Variants in DST observed in about 807,000 individuals in gnomAD.
DST encodes dystonin.
In DST, 253 loss-of-function variants were observed where a neutral mutation model predicts 875.2. The observed-to-expected ratio is 0.29, with a 90% CI of 0.26 to 0.32. DST has a LOEUF of 0.32. DST is among the 10% of genes least tolerant of loss of function. The probability of loss-of-function intolerance (pLI) is 1.00; values close to 1 mark genes in which losing one functional copy is unlikely to be tolerated. For missense variants in DST, 8,287 were observed against 9,111.6 expected (o/e 0.91, Z 3.68); for synonymous variants, 3,124 against 3,197.1 (o/e 0.98, Z 0.77).
chr6:56,708,029 C>T (rs2099348184), intron 5 of DST, among the ~76,000 whole-genome samples: 1 of 152,018 alleles, frequency 6.6e-6, no homozygotes, highest in Non-Finnish European at 1.5e-5. Flanking sequence ...GTTAGCTGGG[C>T]ATGGTGGCAG....
At chr6:56,846,686 G>C (rs1025908182) in intron 4 of DST, among the ~76,000 whole-genome samples, 1 of 152,100 alleles carries the variant, frequency 6.6e-6, no homozygotes, top group Non-Finnish European at 1.5e-5. Context: ...AACCACAACA[G>C]ATACAAAAGC....
At chr6:56,492,105 G>A (rs1457042626) in intron 85 of DST, 122 bp downstream of exon 85, 7 of 901,706 alleles carry the variant, frequency 7.8e-6, no homozygotes, top group Non-Finnish European at 1.2e-5. Context: ...AACCACCATG[G>A]CACCATGCCA....
chr6:56,624,694 T>C (rs1022027142), intron 35 of DST, 66 bp from the exon 36 acceptor site: 3 of 1,072,400 alleles, frequency 2.8e-6, no homozygotes, highest in Non-Finnish European at 4.3e-6. Flanking sequence ...TGAATGAATT[T>C]TGAATAATAA....
intron 3 of DST, among the ~76,000 whole-genome samples, chr6:56,874,283 G>A (rs1055866307): frequency 2.0e-5 from 3 of 152,076 alleles, no homozygotes; most frequent in African/African-American, 7.2e-5. Context: ...AGGCTGCAGA[G>A]AGCTATGAGT....
At chr6:56,799,956 T>C (rs1343914379) in intron 4 of DST, among the ~76,000 whole-genome samples, 2 of 152,186 alleles carry the variant, frequency 1.3e-5, no homozygotes, top group African/African-American at 4.8e-5. Context: ...GGTGTATACA[T>C]TATTCTTTTA....
At chr6:56,832,533 T>C (rs1222346429) in intron 4 of DST, among the ~76,000 whole-genome samples, 1 of 151,984 alleles carries the variant, frequency 6.6e-6, no homozygotes, top group East Asian at 1.9e-4. Context: ...CCAACCTCTT[T>C]ATTTTGTAAA....
At chr6:56,556,415 C>A (rs1346450596) in intron 59 of DST, among the ~76,000 whole-genome samples, 1 of 152,070 alleles carries the variant, frequency 6.6e-6, no homozygotes, top group Non-Finnish European at 1.5e-5. Flanking sequence ...ATCCAAAAAT[C>A]TCATTCTTTT....
At chr6:56,633,906 T>C (rs1328685294) in intron 27 of DST, among the ~76,000 whole-genome samples, 1 of 152,174 alleles carries the variant, frequency 6.6e-6, no homozygotes, top group East Asian at 1.9e-4. Flanking sequence ...TGCCTCCCTA[T>C]CTCACAGTAA....
At chr6:56,940,587 T>C (rs2127785258) in intron 2 of DST, among the ~76,000 whole-genome samples, 1 of 152,092 alleles carries the variant, frequency 6.6e-6, no homozygotes, top group African/African-American at 2.4e-5. Flanking sequence ...TTTCTTTTTA[T>C]TTACTTTATT....
At chr6:56,566,888 T>C (rs116439347) in intron 55 of DST, among the ~76,000 whole-genome samples, 7 of 152,038 alleles carry the variant, frequency 4.6e-5, no homozygotes, top group Admixed American at 2.6e-4. Context: ...AAAAAGAAAA[T>C]AAATCGATTA....
chr6:56,865,046 G>A (rs1452646991), intron 3 of DST, among the ~76,000 whole-genome samples: 2 of 152,122 alleles, frequency 1.3e-5, no homozygotes, highest in Non-Finnish European at 2.9e-5. Flanking sequence ...TTGATAAAAC[G>A]AAAAGGGAAC....
rs1276464935 is a variant in DST at position 56,570,046 on chromosome 6, A to G, written c.13722-34T>C. 2.1e-6 allele frequency: 3 copies of G among 1,442,616 alleles called. No individual in the cohort carries two copies. In the East Asian group the frequency reaches 6.9e-5, roughly 33 times the overall value. 89.4% of individuals were successfully genotyped at this position (1,442,616 alleles called of 1,614,324 possible). Reference sequence around the variant, plus strand: ...CAAAAATCATACAAGAATTTAAGTCACAGAAAGAAGAATAAATAAATTATT... The same window carrying G: ...CAAAAATCATACAAGAATTTAAGTCGCAGAAAGAAGAATAAATAAATTATT... On this transcript the variant is annotated intron_variant, in intron 53 of 103. Transcript: ENST00000680361.
intron 4 of DST, among the ~76,000 whole-genome samples, chr6:56,774,670 A>G (rs991981150): frequency 2.6e-5 from 4 of 152,156 alleles, no homozygotes; most frequent in African/African-American, 9.6e-5. Context: ...GTCATCACCT[A>G]CTAAATTCTG....
intron 55 of DST, among the ~76,000 whole-genome samples, chr6:56,565,057 C>T (rs2097643620): frequency 6.6e-6 from 1 of 150,630 alleles, no homozygotes; most frequent in Admixed American, 6.6e-5. Flanking sequence ...GTTTTGGTAT[C>T]AGAATGATGC....
chr6:56,770,529 T>C (rs540954200), intron 4 of DST, among the ~76,000 whole-genome samples: 218 of 152,304 alleles, frequency 1.4e-3, no homozygotes, highest in African/African-American at 4.9e-3. Flanking sequence ...TGCATCCACA[T>C]AGAGTTGGGG....
intron 2 of DST, among the ~76,000 whole-genome samples, chr6:56,933,802 A>C (rs1310209807): frequency 3.3e-5 from 5 of 152,262 alleles, no homozygotes; most frequent in Admixed American, 2.0e-4. Flanking sequence ...TTATCCTGTA[A>C]GCAACGGGAA....
At chr6:56,922,350 G>A (rs1047409970) in intron 2 of DST, among the ~76,000 whole-genome samples, 4 of 152,106 alleles carry the variant, frequency 2.6e-5, no homozygotes, top group African/African-American at 9.7e-5. Flanking sequence ...GTCCTGCTTT[G>A]ATTTACTTTG....
intron 45 of DST, among the ~76,000 whole-genome samples, chr6:56,599,570 T>G (rs1394322970): frequency 6.6e-6 from 1 of 152,136 alleles, no homozygotes; most frequent in Non-Finnish European, 1.5e-5. Context: ...AACCAGGAGC[T>G]ATCTACTTAC....
chr6:56,491,173 G>A (rs2095725499), intron 85 of DST, among the ~76,000 whole-genome samples: 1 of 152,124 alleles, frequency 6.6e-6, no homozygotes, highest in South Asian at 2.1e-4. Flanking sequence ...ATTCAAAATG[G>A]GGTCTATGGT....
Sources: allele counts gnomAD v4.1 joint callset (sites outside exome capture counted in the v4.1 genomes callset), GRCh38; gene constraint gnomAD v4.1.1; transcripts MANE v1.5; gene names NCBI Gene and HGNC (gene_info 2026-07-23, HGNC 2026-07-21).